Variants in ELAVL4 observed in about 807,000 individuals in gnomAD.
The protein encoded by ELAVL4 is ELAV-like protein 4.
A neutral mutation model predicts 35.6 loss-of-function variants in ELAVL4; 1 was observed. That is an observed-to-expected ratio of 0.03 (90% CI 0.01 to 0.13). The LOEUF (loss-of-function observed/expected upper bound fraction) is 0.13, where lower values mean the gene tolerates loss of function less well. ELAVL4 is among the 10% of genes least tolerant of loss of function. The pLI is 1.00. For synonymous variants in ELAVL4, 156 were observed against 171.0 expected (o/e 0.91, Z 0.69); for missense variants, 267 against 464.9 (o/e 0.57, Z 3.91).
At chr1:50,055,449 G>A (rs1396500750) in intron 1 of ELAVL4, among the ~76,000 whole-genome samples, 4 of 151,906 alleles carry the variant, frequency 2.6e-5, no homozygotes, top group Non-Finnish European at 4.4e-5. Context: ...ACAGGCGCCC[G>A]CCACCACACC....
intron 2 of ELAVL4, among the ~76,000 whole-genome samples, chr1:50,158,409 TTG>T (rs141113225): frequency 6.6e-6 from 1 of 150,902 alleles, no homozygotes; most frequent in African/African-American, 2.4e-5. Flanking sequence ...GATACTCTGT[TTG>T]TGTGTGTGTG....
intron 2 of ELAVL4, among the ~76,000 whole-genome samples, chr1:50,158,483 C>T (rs1676149546): frequency 6.6e-6 from 1 of 152,094 alleles, no homozygotes; most frequent in African/African-American, 2.4e-5. Flanking sequence ...ATCCATACAG[C>T]CACACACAAT....
intron 1 of ELAVL4, among the ~76,000 whole-genome samples, chr1:50,064,154 G>T (rs1448839081): frequency 6.6e-6 from 1 of 152,178 alleles, no homozygotes; most frequent in Non-Finnish European, 1.5e-5. Context: ...GTCATAGAGT[G>T]CAAGGGCATA....
intron 1 of ELAVL4, among the ~76,000 whole-genome samples, chr1:50,076,760 G>A (rs1189808404): frequency 6.6e-6 from 1 of 152,108 alleles, no homozygotes; most frequent in African/African-American, 2.4e-5. Flanking sequence ...AAGAGAGAGG[G>A]GGAGGGGAAA....
intron 2 of ELAVL4, among the ~76,000 whole-genome samples, chr1:50,154,357 C>T (rs1400669128): frequency 6.6e-6 from 1 of 151,148 alleles, no homozygotes; most frequent in African/African-American, 2.4e-5. Context: ...GGTGATGTAC[C>T]CATTTGCTCA....
At chr1:50,106,424 C>T, upstream of ELAVL4, 1 of 1,563,824 alleles carries the variant, frequency 6.4e-7, no homozygotes, top group East Asian at 2.2e-5. Context: ...CTGGCAGCCC[C>T]ACAGTGCTGG....
chr1:50,084,752 T>G (rs934683499), intron 1 of ELAVL4, among the ~76,000 whole-genome samples: 1 of 152,170 alleles, frequency 6.6e-6, no homozygotes, highest in African/African-American at 2.4e-5. Flanking sequence ...TTCTCATCCT[T>G]TAGGTAGGTG....
intron 2 of ELAVL4, among the ~76,000 whole-genome samples, chr1:50,152,665 C>T (rs1675000533): frequency 6.6e-6 from 1 of 152,088 alleles, no homozygotes; most frequent in African/African-American, 2.4e-5. Flanking sequence ...CCAATCTGCC[C>T]CCTCGCCCCC....
chr1:50,129,129 G>A (rs1373834356), intron 1 of ELAVL4, among the ~76,000 whole-genome samples: 1 of 151,892 alleles, frequency 6.6e-6, no homozygotes, highest in Non-Finnish European at 1.5e-5. Flanking sequence ...TGTAAGTGAG[G>A]GTTTTGTAAG....
intron 1 of ELAVL4, among the ~76,000 whole-genome samples, chr1:50,085,186 G>A (rs1436495887): frequency 6.6e-6 from 1 of 152,196 alleles, no homozygotes; most frequent in East Asian, 1.9e-4. Context: ...TAGCTATTTT[G>A]ATAGGTGACT....
At chr1:50,165,226 A>G (rs1259344050) in intron 2 of ELAVL4, among the ~76,000 whole-genome samples, 2 of 152,108 alleles carry the variant, frequency 1.3e-5, no homozygotes, top group East Asian at 3.9e-4. Context: ...CATGCCAAGC[A>G]CGTTCCTGCT....
chr1:50,072,836 A>C, intron 1 of ELAVL4, among the ~76,000 whole-genome samples: 1 of 152,164 alleles, frequency 6.6e-6, no homozygotes, highest in East Asian at 1.9e-4. Context: ...GTTTCAAGAG[A>C]TGAAATAACT....
intron 1 of ELAVL4, among the ~76,000 whole-genome samples, chr1:50,085,913 A>T (rs973300886): frequency 1.3e-5 from 2 of 152,180 alleles, no homozygotes; most frequent in African/African-American, 4.8e-5. Context: ...ATTTTCATGT[A>T]TGAGTTTTAA....
intron 3 of ELAVL4, among the ~76,000 whole-genome samples, chr1:50,189,107 A>G (rs1682273603): frequency 6.6e-6 from 1 of 152,216 alleles, no homozygotes; most frequent in African/African-American, 2.4e-5. Context: ...TTCTGGGGCT[A>G]AAAAGGATGC....
rs887872856 is a variant in ELAVL4, at chr1:50,151,035, C to T, written c.250+5838C>T. ...CAAGCATTGTGCTGAGATCAGTAGA[C>T]GGAGTCTCACATAATCCTCATGATG... On this transcript the variant is annotated intron_variant, in intron 2 of 6. Coordinates refer to ENST00000371824, the MANE Select transcript of ELAVL4 (RefSeq NM_001144774.3). 7.4e-4 allele frequency among the ~76,000 whole-genome samples: 113 copies of T among 152,164 alleles called. 2 individuals are homozygous for T. The highest frequency in any genetic ancestry group is 1.3e-3 in the Non-Finnish European group (86 of 68,026).
At chr1:50,103,868 T>A, upstream of ELAVL4, 1 of 1,581,048 alleles carries the variant, frequency 6.3e-7, no homozygotes, top group Non-Finnish European at 8.6e-7. Flanking sequence ...GGAAAAGGTC[T>A]GCAGCTGTGT....
chr1:50,145,005 A>G lies in ELAVL4; in HGVS notation c.58A>G (p.Thr20Ala), dbSNP rs1673442471. Reference protein sequence around the residue: ...PQVSNGPTSNTSNGPSSNNRN... With the variant: ...PQVSNGPTSNASNGPSSNNRN... ...GGTGTCAAATGGTCCGACATCCAATACAAGCAATGGACCCTCCAGCAACAA... is the reference window on the plus strand; with the variant it reads ...GGTGTCAAATGGTCCGACATCCAATGCAAGCAATGGACCCTCCAGCAACAA... Residue 20 changes from threonine (T) to alanine (A), a missense_variant, in exon 2 of 7, where the codon ACA becomes GCA. Physicochemically the swap from Thr to Ala is moderately conservative, Grantham distance 58 (BLOSUM62 0). Around this residue, in one of 2 missense-constraint regions of ELAVL4, gnomAD observed 51 missense variants for 55.4 expected, o/e 0.92. Transcript: ENST00000371824. 1.7e-5 allele frequency: 27 copies of G among 1,613,852 alleles called. No individual in the cohort carries two copies. The East Asian group carries it at 1.8e-4, about 11-fold the overall frequency.
At chr1:50,160,745 G>A (rs1676656396) in intron 2 of ELAVL4, among the ~76,000 whole-genome samples, 1 of 152,194 alleles carries the variant, frequency 6.6e-6, no homozygotes, top group South Asian at 2.1e-4. Flanking sequence ...AGCCATAAAT[G>A]TCTTTCACTT....
rs150346644 is a variant in ELAVL4, at chr1:50,069,367, G to C, written c.18+21185G>C. Among the ~76,000 whole-genome samples, 410 of 152,176 alleles carry C rather than the reference G, an allele frequency of 2.7e-3. 5 individuals are homozygous for C. The highest frequency in any genetic ancestry group is 9.4e-3 in the African/African-American group (391 of 41,512). ...CACCTCACACTTAGCTTATTTTCTT[G>C]TTAATTCTGGTTGAGTCTTGTCTCC... On this transcript the variant is annotated intron_variant, in intron 1 of 6. Transcript: ENST00000448907.
Sources: gnomAD v4.1 joint callset for allele counts (sites outside exome capture counted in the v4.1 genomes callset) on GRCh38, gnomAD v4.1.1 for gene constraint, gnomAD v4.1.1 regional missense constraint, MANE v1.5 for transcripts, NCBI Gene and HGNC (gene_info 2026-07-23, HGNC 2026-07-21) for gene names.